Variants in NBAS observed in about 807,000 individuals in gnomAD.
NBAS encodes the protein NBAS subunit of NRZ tethering complex.
A neutral mutation model predicts 302.5 loss-of-function variants in NBAS; 219 were observed. The ratio of observed to expected loss-of-function variants is 0.72; its 90% CI spans 0.65 to 0.81. The LOEUF (loss-of-function observed/expected upper bound fraction) is 0.81, where lower values mean the gene tolerates loss of function less well. NBAS is among the 30% of genes least tolerant of loss of function. The probability of loss-of-function intolerance (pLI) is 0.00; values close to 1 mark genes in which losing one functional copy is unlikely to be tolerated. For synonymous variants in NBAS, 1,118 were observed against 1,021.6 expected (o/e 1.09, Z -1.80); for missense variants, 2,932 against 2,841.6 (o/e 1.03, Z -0.72).
the NBAS span, among the ~76,000 whole-genome samples, chr2:14,803,244 G>T: frequency 1.3e-5 from 2 of 152,164 alleles, no homozygotes; most frequent in Non-Finnish European, 2.9e-5. Flanking sequence ...GGCCCTGTGT[G>T]ACTCCAGTGA....
the NBAS span, among the ~76,000 whole-genome samples, chr2:14,911,417 A>T: frequency 6.6e-6 from 1 of 152,232 alleles, no homozygotes; most frequent in African/African-American, 2.4e-5. Flanking sequence ...TGGCATGAAT[A>T]CATCCTGGAC....
At chr2:14,954,014 G>C in the NBAS span, among the ~76,000 whole-genome samples, 1 of 152,122 alleles carries the variant, frequency 6.6e-6, no homozygotes, top group Non-Finnish European at 1.5e-5. Flanking sequence ...AATAAAATGG[G>C]CCAATAAGCC....
At chr2:15,463,511 C>G (rs1487014824) in intron 19 of NBAS, among the ~76,000 whole-genome samples, 3 of 152,110 alleles carry the variant, frequency 2.0e-5, no homozygotes, top group Non-Finnish European at 4.4e-5. Context: ...TCCACTCACT[C>G]CATTTTGTTC....
the NBAS span, among the ~76,000 whole-genome samples, chr2:15,084,691 G>GGGGGGGT: frequency 6.7e-6 from 1 of 148,576 alleles, no homozygotes; most frequent in African/African-American, 2.6e-5. Flanking sequence ...GCGGGGCGGG[G>GGGGGGGT]GGGGTTCCTT....
chr2:14,835,759 C>T, the NBAS span, among the ~76,000 whole-genome samples: 1 of 151,748 alleles, frequency 6.6e-6, no homozygotes, highest in Non-Finnish European at 1.5e-5. Context: ...AAGTTTGGGG[C>T]CATTATGAAT....
chr2:14,962,683 A>G, the NBAS span, among the ~76,000 whole-genome samples: 1 of 152,184 alleles, frequency 6.6e-6, no homozygotes, highest in South Asian at 2.1e-4. Context: ...TATTCAAAAT[A>G]CAGTAACCAT....
chr2:15,376,317 TC>T (rs1309630425), intron 30 of NBAS, among the ~76,000 whole-genome samples: 4 of 152,202 alleles, frequency 2.6e-5, no homozygotes, highest in Middle Eastern at 6.8e-3. Flanking sequence ...TGAAGGTGTG[TC>T]CTTGCAAGAG....
At chr2:14,918,066 T>G in the NBAS span, among the ~76,000 whole-genome samples, 1 of 152,224 alleles carries the variant, frequency 6.6e-6, no homozygotes, top group South Asian at 2.1e-4. Context: ...TGCTCCAGTC[T>G]TTGTGAGCTT....
At chr2:14,841,248 C>T in the NBAS span, among the ~76,000 whole-genome samples, 1 of 151,416 alleles carries the variant, frequency 6.6e-6, no homozygotes, top group South Asian at 2.1e-4. Context: ...ATCACTTAAT[C>T]ACAAAGGAAG....
intron 2 of NBAS, 57 bp from the exon 3 acceptor site, chr2:15,556,876 C>A: frequency 1.5e-6 from 2 of 1,372,226 alleles, no homozygotes; most frequent in South Asian, 1.2e-5. Flanking sequence ...GAATCATTTT[C>A]AAATTAGATT....
At chr2:15,289,062 C>T (rs1341577911) in intron 41 of NBAS, among the ~76,000 whole-genome samples, 1 of 152,120 alleles carries the variant, frequency 6.6e-6, no homozygotes, top group Non-Finnish European at 1.5e-5. Flanking sequence ...TGTCAATTAG[C>T]AATTCTTATT....
chr2:15,470,820 TGTG>T (rs1315963600), intron 16 of NBAS, among the ~76,000 whole-genome samples: 1 of 151,974 alleles, frequency 6.6e-6, no homozygotes. Flanking sequence ...ATTAGCCAGG[TGTG>T]GTGTTGTGTG....
the NBAS span, among the ~76,000 whole-genome samples, chr2:15,109,479 C>G: frequency 6.6e-6 from 1 of 152,138 alleles, no homozygotes; most frequent in Non-Finnish European, 1.5e-5. Context: ...CTATGGGGTG[C>G]TATGTGAACA....
At chr2:15,176,138 A>G (rs1572397960) in intron 51 of NBAS, among the ~76,000 whole-genome samples, 1 of 152,250 alleles carries the variant, frequency 6.6e-6, no homozygotes, top group East Asian at 1.9e-4. Flanking sequence ...TCATTGCAAT[A>G]CCAAGGATGA....
chr2:14,794,269 C>G, the NBAS span, among the ~76,000 whole-genome samples: 6,839 of 152,194 alleles, frequency 0.045, 221 homozygotes, highest in Middle Eastern at 0.092. Context: ...TTAACTTTGG[C>G]AAATAAACCT....
At chr2:15,272,096 T>C (rs781216676) in intron 44 of NBAS, among the ~76,000 whole-genome samples, 1 of 152,214 alleles carries the variant, frequency 6.6e-6, no homozygotes, top group Non-Finnish European at 1.5e-5. Context: ...TAAATGGCAA[T>C]GGAATGACTG....
the NBAS span, among the ~76,000 whole-genome samples, chr2:15,073,275 T>G: frequency 6.6e-6 from 1 of 152,042 alleles, no homozygotes. Flanking sequence ...GATCAGGAGT[T>G]TGAGACCAGC....
chr2:15,178,341 A>T (rs533716751), intron 51 of NBAS, among the ~76,000 whole-genome samples: 2 of 152,356 alleles, frequency 1.3e-5, no homozygotes, highest in East Asian at 3.9e-4. Flanking sequence ...AGTAAGGATC[A>T]TACAACATGA....
At chr2:15,107,132 A>G in the NBAS span, among the ~76,000 whole-genome samples, 1 of 152,104 alleles carries the variant, frequency 6.6e-6, no homozygotes, top group Non-Finnish European at 1.5e-5. Flanking sequence ...ATTTGAAGAT[A>G]GGGTTCTTAG....
Sources: gnomAD v4.1 joint callset for allele counts (sites outside exome capture counted in the v4.1 genomes callset) on GRCh38, gnomAD v4.1.1 for gene constraint, MANE v1.5 for transcripts, NCBI Gene and HGNC (gene_info 2026-07-23, HGNC 2026-07-21) for gene names.